Variants in ZNF286A observed in about 807,000 individuals in gnomAD.
The protein encoded by ZNF286A is zinc finger protein ZNF286.
ZNF286A carries 34 observed loss-of-function variants against 49.3 expected under a neutral mutation model. The observed-to-expected ratio is 0.69, with a 90% CI of 0.52 to 0.92. The LOEUF is 0.92. Among genes scored for constraint, ZNF286A ranks in the 40% least tolerant of loss-of-function variants. ZNF286A has a pLI of 0.00. For synonymous variants in ZNF286A, 155 were observed against 200.4 expected (o/e 0.77, Z 1.91); for missense variants, 462 against 600.2 (o/e 0.77, Z 2.41).
chr17:15,703,236 G>A (rs1254734755), intron 3 of ZNF286A, among the ~76,000 whole-genome samples: 1 of 151,912 alleles, frequency 6.6e-6, no homozygotes, highest in African/African-American at 2.4e-5. Flanking sequence ...GTAGCTAGGG[G>A]AAAATTAGGG....
In ZNF286A at chr17:15,701,137, C is replaced by A. The variant is rs1392854417; in HGVS notation, c.38-15C>A. Reference sequence around the variant, plus strand: ...TTAAGCCTAGGTCTCATCATTACTGCTTTCTTGTCGTTAGCTCTGTCTTCC... The same window carrying A: ...TTAAGCCTAGGTCTCATCATTACTGATTTCTTGTCGTTAGCTCTGTCTTCC... On this transcript the variant is annotated splice_polypyrimidine_tract_variant and intron_variant, in intron 2 of 5. Coordinates refer to ENST00000583566, the MANE Select transcript of ZNF286A (RefSeq NM_001130842.2). The A allele has an allele frequency of 6.2e-7, 1 of 1,613,706 alleles. No individual in the cohort carries two copies. Among genetic ancestry groups the A allele is most frequent in the Non-Finnish European group, 8.5e-7 (1 of 1,179,932 alleles).
In ZNF286A at chr17:15,708,445, A is replaced by T. The variant is rs145267330; in HGVS notation, c.334+198A>T. 4 of 403,348 alleles carry T rather than the reference A, an allele frequency of 9.9e-6. No homozygotes were observed. In the South Asian group the frequency reaches 5.3e-4, roughly 53 times the overall value. The allele number at this position is 403,348 out of a possible 1,614,324, so 25.0% of individuals were successfully genotyped here. ...CATCACTGAGATTAGACACGTACTAATATTTTGCTTCGTTTGCCTCTTTTC... is the reference window on the plus strand; with the variant it reads ...CATCACTGAGATTAGACACGTACTATTATTTTGCTTCGTTTGCCTCTTTTC... On this transcript the variant is annotated intron_variant, in intron 5 of 5. Transcript: ENST00000583566.
intron 1 of ZNF286A, 82 bp downstream of exon 1, chr17:15,699,859 T>C (rs2151444732): frequency 2.8e-6 from 2 of 702,130 alleles, no homozygotes; most frequent in Admixed American, 2.0e-5. Context: ...GAGTCGGGGC[T>C]AGAGTGCGCG....
intron 5 of ZNF286A, among the ~76,000 whole-genome samples, chr17:15,714,704 A>C (rs1966936705): frequency 6.6e-6 from 1 of 152,078 alleles, no homozygotes; most frequent in South Asian, 2.1e-4. Context: ...GTTAGATTAA[A>C]TTTTCTCTTC....
At chr17:15,711,699 G>A (rs1990658932) in intron 5 of ZNF286A, among the ~76,000 whole-genome samples, 1 of 152,132 alleles carries the variant, frequency 6.6e-6, no homozygotes, top group Non-Finnish European at 1.5e-5. Flanking sequence ...AGCAGCCCTA[G>A]AAAATGCATA....
intron 3 of ZNF286A, 59 bp downstream of exon 3, chr17:15,701,299 C>G: frequency 6.6e-7 from 1 of 1,511,058 alleles, no homozygotes; most frequent in African/African-American, 1.4e-5. Context: ...GATGCACTCC[C>G]TTCTTTGTGA....
chr17:15,710,854 T>G (rs1990592650), intron 5 of ZNF286A, among the ~76,000 whole-genome samples: 1 of 152,102 alleles, frequency 6.6e-6, no homozygotes, highest in Non-Finnish European at 1.5e-5. Context: ...TTTTCTTATG[T>G]TACAGATATT....
intron 5 of ZNF286A, among the ~76,000 whole-genome samples, chr17:15,714,617 T>G (rs1966931521): frequency 6.6e-6 from 1 of 152,150 alleles, no homozygotes; most frequent in Non-Finnish European, 1.5e-5. Flanking sequence ...GAAACCGAAG[T>G]AAAGAGGTTA....
chr17:15,699,808 C>T (rs1035596390), intron 1 of ZNF286A, 31 bp downstream of exon 1: 1 of 702,878 alleles, frequency 1.4e-6, no homozygotes, highest in South Asian at 1.5e-5. Flanking sequence ...TCGCTCGTCT[C>T]GGCTCGGCCT....
chr17:15,703,206 A>T (rs1201410106), intron 3 of ZNF286A, among the ~76,000 whole-genome samples: 1 of 152,160 alleles, frequency 6.6e-6, no homozygotes, highest in African/African-American at 2.4e-5. Flanking sequence ...AGCTACACAG[A>T]TTCAAAGTGG....
chr17:15,717,895 C>CT lies in ZNF286A; in HGVS notation c.*606dup, dbSNP rs979352843. On this transcript the variant is annotated 3_prime_UTR_variant, in exon 6 of 6. Coordinates refer to ENST00000583566, the MANE Select transcript of ZNF286A (RefSeq NM_001130842.2). ...GGATGTATAATATTTACAGACAACT[C>CT]TAAGTTACGTTCACATGGATTATGT... 6.8e-6 allele frequency: 1 copy of CT among 147,160 alleles called. No homozygotes were observed. The highest frequency in any genetic ancestry group is 6.8e-5 in the Admixed American group (1 of 14,712). 9.1% of individuals were successfully genotyped at this position (147,160 alleles called of 1,614,324 possible). A position where few individuals can be genotyped will look rare whatever the true frequency, so the allele number is the denominator to read the frequency against.
chr17:15,719,135 A>G lies in ZNF286A; in HGVS notation c.*1845A>G, dbSNP rs1240917532. On this transcript the variant is annotated 3_prime_UTR_variant, in exon 6 of 6. Transcript: ENST00000583566. ...GGATACAGATCTAAACTGTATCATTACTCAAAAAAAAAAAAAAAAAGAAAG... is the reference window on the plus strand; with the variant it reads ...GGATACAGATCTAAACTGTATCATTGCTCAAAAAAAAAAAAAAAAAGAAAG... 1.5e-5 allele frequency: 1 copy of G among 68,362 alleles called. No individual in the cohort carries two copies. Among genetic ancestry groups the G allele is most frequent in the South Asian group, 7.5e-4 (1 of 1,334 alleles). The allele number at this position is 68,362 out of a possible 1,614,324, so 4.2% of individuals were successfully genotyped here.
At position 15,708,186 on chromosome 17, in the gene ZNF286A, C is replaced by G. The variant is rs770888369; in HGVS notation, c.273C>G (p.Asn91Lys). The G allele has an allele frequency of 1.9e-6, 3 of 1,598,064 alleles. No individual in the cohort carries two copies. The highest frequency in any genetic ancestry group is 8.5e-7 in the Non-Finnish European group (1 of 1,172,812). Residue 91 changes from asparagine (N) to lysine (K), a missense_variant, in exon 5 of 6, where the codon AAC becomes AAG. Asn to Lys is a moderately conservative substitution (Grantham distance 94). This residue lies in a region of ZNF286A where 259 missense variants were observed against 272.2 expected (regional missense o/e 0.95). Coordinates refer to ENST00000583566, the MANE Select transcript of ZNF286A (RefSeq NM_001130842.2). ...CAGTTTCCAAACCTGAGAGCTACAA[C>G]TTGGAGAATGGAAAAGAACCATTGA... Reference protein sequence around the residue: ...WLPVSKPESYNLENGKEPLKL... With the variant: ...WLPVSKPESYKLENGKEPLKL...
chr17:15,716,449 C>T lies in ZNF286A; in HGVS notation c.725C>T (p.Pro242Leu). Residue 242 changes from proline (P) to leucine (L), a missense_variant, in exon 6 of 6, where the codon CCT becomes CTT. Pro to Leu is a moderately conservative substitution (Grantham distance 98). Transcript: ENST00000583566. ...CAGAGAACTTATAAAGAGAAAAAAC[C>T]TCATAAATGTAATGATTGTGGTGAA... Reference protein sequence around the residue: ...KKQRTYKEKKPHKCNDCGELF... With the variant: ...KKQRTYKEKKLHKCNDCGELF... The T allele has an allele frequency of 1.2e-6, 2 of 1,613,412 alleles. No homozygotes were observed. Among genetic ancestry groups the T allele is most frequent in the Non-Finnish European group, 1.7e-6 (2 of 1,179,844 alleles).
Position 15,708,445 on chromosome 17 carries a change from A to G in ZNF286A, c.334+198A>G, listed in dbSNP as rs145267330. The G allele has an allele frequency of 1.0e-3, 404 of 403,464 alleles. 1 individual carries two copies. Among genetic ancestry groups the G allele is most frequent in the South Asian group, 7.8e-3 (59 of 7,550 alleles). 25.0% of individuals were successfully genotyped at this position (403,464 alleles called of 1,614,324 possible). ...CATCACTGAGATTAGACACGTACTA[A>G]TATTTTGCTTCGTTTGCCTCTTTTC... On this transcript the variant is annotated intron_variant, in intron 5 of 5. Coordinates refer to ENST00000583566, the MANE Select transcript of ZNF286A (RefSeq NM_001130842.2).
intron 5 of ZNF286A, among the ~76,000 whole-genome samples, chr17:15,715,343 G>T (rs1373707847): frequency 6.6e-6 from 1 of 150,886 alleles, no homozygotes; most frequent in Non-Finnish European, 1.5e-5. Context: ...ATATATCCTG[G>T]TGGTCACCTT....
intron 2 of ZNF286A, 184 bp downstream of exon 2, chr17:15,700,550 TG>T (rs1989694833): frequency 1.3e-6 from 1 of 798,638 alleles, no homozygotes. Context: ...CCATGGCAGC[TG>T]GGCACACAGT....
chr17:15,715,677 C>T (rs1967003207), intron 5 of ZNF286A, among the ~76,000 whole-genome samples: 1 of 152,048 alleles, frequency 6.6e-6, no homozygotes, highest in Non-Finnish European at 1.5e-5. Context: ...CATAACTGTA[C>T]TGTACATTAA....
Position 15,718,622 on chromosome 17 carries a change from A to T in ZNF286A, c.*1332A>T, listed in dbSNP as rs925244400. 1 of 151,424 alleles carries T rather than the reference A, an allele frequency of 6.6e-6. No individual in the cohort carries two copies. Among genetic ancestry groups the T allele is most frequent in the African/African-American group, 2.4e-5 (1 of 40,996 alleles). 9.4% of individuals were successfully genotyped at this position (151,424 alleles called of 1,614,324 possible). ...ATGAGTGGAAAACAAGGCACGGAAA[A>T]TAGCTCACAGGATAGTCCTCAACTG... is the stretch of plus-strand genomic sequence containing the variant. On this transcript the variant is annotated 3_prime_UTR_variant, in exon 6 of 6. Transcript: ENST00000583566.
Sources: allele counts gnomAD v4.1 joint callset (sites outside exome capture counted in the v4.1 genomes callset), GRCh38; gene constraint gnomAD v4.1.1; regional missense constraint gnomAD v4.1.1; transcripts MANE v1.5; gene names NCBI Gene and HGNC (gene_info 2026-07-23, HGNC 2026-07-21).